The following AFG1L variants were observed in gnomAD, a reference collection of about 807,000 sequenced individuals.
AFG1L encodes AFG1-like ATPase.
A neutral mutation model predicts 62.2 loss-of-function variants in AFG1L; 53 were observed. The ratio of observed to expected loss-of-function variants is 0.85; its 90% CI spans 0.68 to 1.07. The LOEUF is 1.07. AFG1L is among the 50% of genes least tolerant of loss of function. The pLI, the probability that AFG1L is intolerant of heterozygous loss-of-function variation, is 0.00. For missense variants in AFG1L, 555 were observed against 590.5 expected, an observed-to-expected ratio of 0.94 and a Z score of 0.62; for synonymous variants, 228 against 210.3, an observed-to-expected ratio of 1.08 and a Z score of -0.73.
chr6:108,323,500 T>C (rs1777899912), intron 1 of AFG1L, among the ~76,000 whole-genome samples: 1 of 152,084 alleles, frequency 6.6e-6, no homozygotes, highest in Non-Finnish European at 1.5e-5. Context: ...TAGCTGGGAT[T>C]ACAAGCATGC....
Position 108,401,326 on chromosome 6 carries a change from T to G in AFG1L, c.749-670T>G, listed in dbSNP as rs564775778. 4.1e-3 allele frequency among the ~76,000 whole-genome samples: 620 copies of G among 151,736 alleles called. 7 individuals carry two copies. The highest frequency in any genetic ancestry group is 0.01 in the Middle Eastern group (3 of 294). On this transcript the variant is annotated intron_variant, in intron 6 of 12. Transcript: ENST00000368977. The stretch of plus-strand genomic sequence containing the variant: ...CCCGGCTAATTTTTTGTATTTTTAG[T>G]AGAGACGGGGTTTCACCTTGTTAGC...
intron 1 of AFG1L, among the ~76,000 whole-genome samples, chr6:108,316,353 C>G (rs1489610139): frequency 8.9e-6 from 1 of 112,012 alleles, no homozygotes; most frequent in African/African-American, 3.7e-5. Flanking sequence ...TGCACTCCAG[C>G]CTGGGCGACA....
rs372126617 is a variant in AFG1L, at chr6:108,440,820, C to CAAAAAAAAAA, written c.808-6387_808-6386insAAAAAAAAAA. Among the ~76,000 whole-genome samples the CAAAAAAAAAA allele has an allele frequency of 2.2e-3, 324 of 147,630 alleles. 4 individuals are homozygous for CAAAAAAAAAA. The highest frequency in any genetic ancestry group is 7.7e-3 in the African/African-American group (303 of 39,566). ...TGCACAACAGAGTGAGACTCCATCT[C>CAAAAAAAAAA]AAAAAAAGAAAAAAGGAAAAGAAAA... On this transcript the variant is annotated intron_variant, in intron 7 of 12. Transcript: ENST00000368977.
intron 11 of AFG1L, among the ~76,000 whole-genome samples, chr6:108,514,000 CAG>C (rs1437951786): frequency 6.6e-6 from 1 of 152,238 alleles, no homozygotes; most frequent in Non-Finnish European, 1.5e-5. Flanking sequence ...CCCAGGCAAA[CAG>C]GGTCTGGAGT....
intron 7 of AFG1L, among the ~76,000 whole-genome samples, chr6:108,446,051 TACACACAC>T (rs67384163): frequency 0.23 from 32,178 of 141,452 alleles, 3,922 homozygotes; most frequent in Admixed American, 0.34. Context: ...TATGTAGAGA[TACACACAC>T]ACACACACAC....
chr6:108,477,487 A>AG (rs1773158545), intron 10 of AFG1L, among the ~76,000 whole-genome samples, 195 bp downstream of exon 10: 1 of 152,208 alleles, frequency 6.6e-6, no homozygotes, highest in South Asian at 2.1e-4. Context: ...TTGCACTTAG[A>AG]GGGGCTCTAA....
intron 10 of AFG1L, among the ~76,000 whole-genome samples, chr6:108,497,299 T>C (rs754497602): frequency 6.6e-6 from 1 of 152,234 alleles, no homozygotes; most frequent in East Asian, 1.9e-4. Flanking sequence ...ATAACATTCT[T>C]ATTTCTTTGA....
intron 5 of AFG1L, among the ~76,000 whole-genome samples, chr6:108,365,463 T>C (rs1414731): frequency 0.71 from 104,861 of 147,740 alleles, 40,753 homozygotes; most frequent in Non-Finnish European, 0.88. Flanking sequence ...AGGGACTATA[T>C]TAGCCATTCT....
chr6:108,507,752 A>G (rs1250573556), intron 10 of AFG1L, among the ~76,000 whole-genome samples: 1 of 152,232 alleles, frequency 6.6e-6, no homozygotes, highest in Non-Finnish European at 1.5e-5. Context: ...GTGTACCCTC[A>G]GAGCATGAGA....
At chr6:108,375,539 T>A (rs147353203) in intron 6 of AFG1L, among the ~76,000 whole-genome samples, 2 of 152,322 alleles carry the variant, frequency 1.3e-5, no homozygotes, top group Admixed American at 6.5e-5. Context: ...CATGAAAGGA[T>A]GTTGGATTTT....
chr6:108,368,030 G>C (rs1295976640), intron 6 of AFG1L, among the ~76,000 whole-genome samples: 1 of 152,082 alleles, frequency 6.6e-6, no homozygotes, highest in African/African-American at 2.4e-5. Context: ...TTACTATGTA[G>C]CCTGCTGTGA....
chr6:108,339,649 G>C (rs1778607205), intron 2 of AFG1L, among the ~76,000 whole-genome samples: 1 of 151,822 alleles, frequency 6.6e-6, no homozygotes, highest in Non-Finnish European at 1.5e-5. Context: ...TAGTAGAAAC[G>C]GGGTTTCACC....
intron 6 of AFG1L, among the ~76,000 whole-genome samples, chr6:108,374,677 T>A (rs1780164303): frequency 6.6e-6 from 1 of 152,192 alleles, no homozygotes; most frequent in Non-Finnish European, 1.5e-5. Context: ...CTTATTTCAT[T>A]CCATTGGTCT....
chr6:108,408,063 G>T (rs1248251266), intron 7 of AFG1L, among the ~76,000 whole-genome samples: 1 of 151,210 alleles, frequency 6.6e-6, no homozygotes, highest in Non-Finnish European at 1.5e-5. Context: ...TCCTTTAAGG[G>T]TGTCAAATTT....
chr6:108,390,777 T>G (rs1781020021), intron 6 of AFG1L, among the ~76,000 whole-genome samples: 1 of 152,188 alleles, frequency 6.6e-6, no homozygotes, highest in African/African-American at 2.4e-5. Context: ...CTGACCCTGC[T>G]GGGGGGTGCC....
At chr6:108,491,264 A>G (rs184446270) in intron 10 of AFG1L, among the ~76,000 whole-genome samples, 7 of 152,362 alleles carry the variant, frequency 4.6e-5, no homozygotes, top group African/African-American at 7.2e-5. Flanking sequence ...TCAGCCTTCT[A>G]TCAGCCAAAG....
chr6:108,340,115 G>A (rs923035663), intron 2 of AFG1L, among the ~76,000 whole-genome samples: 2 of 149,484 alleles, frequency 1.3e-5, no homozygotes, highest in African/African-American at 4.9e-5. Flanking sequence ...CAATTGCTTT[G>A]ATTTTTGGAT....
chr6:108,295,096 C>T lies in AFG1L; in HGVS notation c.17C>T (p.Ser6Leu). Residue 6 changes from serine to leucine, a missense_variant, in exon 1 of 13, where the codon TCG (serine) becomes TTG (leucine). By Grantham distance (145) the Ser-to-Leu change is moderately radical. Coordinates refer to ENST00000368977, the MANE Select transcript of AFG1L (RefSeq NM_145315.5). Reference sequence around the variant, plus strand: ...GAGTTCAAGATGGCGGCCTCCTGGTCGCTCTTGGTTACCCTGCGCCCCTTA... The same window carrying T: ...GAGTTCAAGATGGCGGCCTCCTGGTTGCTCTTGGTTACCCTGCGCCCCTTA... The part of the protein sequence containing the change: MAASW[S>L]LLVTLRPLAQ... The T allele has an allele frequency of 6.2e-7, 1 of 1,611,432 alleles. No individual in the cohort carries two copies. Among genetic ancestry groups the T allele is most frequent in the East Asian group, 2.2e-5 (1 of 44,872 alleles).
intron 10 of AFG1L, among the ~76,000 whole-genome samples, chr6:108,494,180 T>G (rs557655652): frequency 1.3e-5 from 2 of 150,982 alleles, no homozygotes; most frequent in Non-Finnish European, 3.0e-5. Flanking sequence ...CCGCTCCCCC[T>G]GCTCCCCTGC....
Sources: gnomAD v4.1 joint callset for allele counts (sites outside exome capture counted in the v4.1 genomes callset) on GRCh38, gnomAD v4.1.1 for gene constraint, MANE v1.5 for transcripts, NCBI Gene and HGNC (gene_info 2026-07-23, HGNC 2026-07-21) for gene names.